The following PIAS1 variants were observed in gnomAD, a reference collection of about 807,000 sequenced individuals.
PIAS1 encodes E3 SUMO-protein ligase PIAS1.
Under a neutral mutation model 71.3 loss-of-function variants are expected in PIAS1, and 6 were observed. That is an observed-to-expected ratio of 0.08 (90% CI 0.05 to 0.17). The LOEUF is 0.17. Ranked by LOEUF, PIAS1 falls within the 10% of genes least tolerant of loss-of-function variation. The pLI is 1.00. For synonymous variants in PIAS1, 303 were observed against 292.9 expected, an observed-to-expected ratio of 1.03 and a Z score of -0.35; for missense variants, 555 against 793.6, an observed-to-expected ratio of 0.70 and a Z score of 3.61.
At chr15:68,073,679 A>G (rs1283376868) in intron 1 of PIAS1, among the ~76,000 whole-genome samples, 2 of 152,192 alleles carry the variant, frequency 1.3e-5, no homozygotes, top group Non-Finnish European at 2.9e-5. Flanking sequence ...AGAACAGCAT[A>G]TATAAAAGTC....
In PIAS1 at chr15:68,135,486, G is replaced by A. The variant is rs1461550035; in HGVS notation, c.470-6460G>A. 3.4e-3 allele frequency among the ~76,000 whole-genome samples: 2 copies of A among 592 alleles called. 1 individual carries two copies. Among genetic ancestry groups the A allele is most frequent in the African/African-American group, 5.0e-3 (2 of 402 alleles). 0.4% of individuals were successfully genotyped at this position (592 alleles called of 152,430 possible). Reference sequence around the variant, plus strand: ...ACCCCCCGGACGGGGCGGCTGGCCGGGGGGGGCTAACCCCCCCCACCTCCC... The same window carrying A: ...ACCCCCCGGACGGGGCGGCTGGCCGAGGGGGGCTAACCCCCCCCACCTCCC... On this transcript the variant is annotated intron_variant, in intron 2 of 13. Transcript: ENST00000249636.
chr15:68,115,742 A>G (rs1425948671), intron 2 of PIAS1, among the ~76,000 whole-genome samples: 1 of 152,092 alleles, frequency 6.6e-6, no homozygotes, highest in Admixed American at 6.6e-5. Flanking sequence ...AGTGTTTATT[A>G]GGAATGGTTG....
At chr15:68,149,751 T>C (rs2092832834) in intron 6 of PIAS1, among the ~76,000 whole-genome samples, 1 of 152,182 alleles carries the variant, frequency 6.6e-6, no homozygotes, top group Non-Finnish European at 1.5e-5. Context: ...TTAGATGATT[T>C]ATTGGTATTT....
At chr15:68,112,478 G>T (rs993005269) in intron 2 of PIAS1, among the ~76,000 whole-genome samples, 1 of 151,948 alleles carries the variant, frequency 6.6e-6, no homozygotes, top group African/African-American at 2.4e-5. Context: ...CAAAGAAACT[G>T]TTGTTATCTA....
chr15:68,162,016 C>T (rs918987391), intron 7 of PIAS1, among the ~76,000 whole-genome samples: 1 of 151,968 alleles, frequency 6.6e-6, no homozygotes, highest in Non-Finnish European at 1.5e-5. Context: ...TTTCAGCTCA[C>T]TGCAACCTCT....
At chr15:68,159,377 T>C (rs1235880830) in intron 7 of PIAS1, among the ~76,000 whole-genome samples, 6 of 152,172 alleles carry the variant, frequency 3.9e-5, no homozygotes, top group Admixed American at 6.6e-5. Context: ...GTATAACTTA[T>C]AGGCAATAAA....
rs1322969308 is a variant in PIAS1, at chr15:68,179,661, C to T, written c.1482-1551C>T. ...CACCATCTTGGCTCACCACACCCTC[C>T]GCCTCCTGGGTTCAAGTGATTCTCC... is the stretch of plus-strand genomic sequence containing the variant. On this transcript the variant is annotated intron_variant, in intron 11 of 13. Coordinates refer to ENST00000249636, the MANE Select transcript of PIAS1 (RefSeq NM_016166.3). 3.4e-5 allele frequency among the ~76,000 whole-genome samples: 5 copies of T among 146,860 alleles called. 1 individual carries two copies. The highest frequency in any genetic ancestry group is 2.1e-4 in the Admixed American group (3 of 14,426).
chr15:68,073,238 C>T (rs995089849), intron 1 of PIAS1, among the ~76,000 whole-genome samples: 5 of 152,012 alleles, frequency 3.3e-5, no homozygotes, highest in African/African-American at 1.2e-4. Context: ...AGGATGGTCT[C>T]GATCTCCTGA....
chr15:68,182,424 T>TTGTGTGTGTG lies in PIAS1; in HGVS notation c.1624+1070_1624+1071insTGTGTGTGTG, dbSNP rs1567080853. 2.7e-4 allele frequency among the ~76,000 whole-genome samples: 17 copies of TTGTGTGTGTG among 63,844 alleles called. 1 individual carries two copies. The East Asian group carries it at 5.7e-3, about 21-fold the overall frequency. 41.9% of individuals were successfully genotyped at this position (63,844 alleles called of 152,430 possible). ...AACCCCATTCCCGGGAAGTTACAGCTAGTGTGTGTGTGTGTGTGTGTGTGT... is the reference window on the plus strand; with the variant it reads ...AACCCCATTCCCGGGAAGTTACAGCTTGTGTGTGTGAGTGTGTGTGTGTGTGTGTGTGTGT... On this transcript the variant is annotated intron_variant, in intron 12 of 13. Transcript: ENST00000249636.
intron 2 of PIAS1, among the ~76,000 whole-genome samples, chr15:68,113,428 A>G (rs1022103532): frequency 1.5e-4 from 23 of 152,336 alleles, no homozygotes; most frequent in African/African-American, 5.0e-4. Flanking sequence ...ACATTCAAAC[A>G]TTGATCATTA....
Position 68,173,489 on chromosome 15 carries a change from A to G in PIAS1, c.1009-243A>G, listed in dbSNP as rs960370769. Among the ~76,000 whole-genome samples, 1 of 152,216 alleles carries G rather than the reference A, an allele frequency of 6.6e-6. No homozygotes were observed. Among genetic ancestry groups the G allele is most frequent in the Non-Finnish European group, 1.5e-5 (1 of 68,030 alleles). On this transcript the variant is annotated intron_variant, in intron 8 of 13. Coordinates refer to ENST00000249636, the MANE Select transcript of PIAS1 (RefSeq NM_016166.3). This position sits in a 1 kb window ranked among gnomAD's most constrained non-coding sequence, Gnocchi z 4.3. ...AGCTGATCTGTGAGCTGTGGATTTT[A>G]GTAAATAACCCTTGTTGTAGACTTT...
intron 2 of PIAS1, among the ~76,000 whole-genome samples, chr15:68,101,867 C>T (rs2092429909): frequency 6.6e-6 from 1 of 152,212 alleles, no homozygotes; most frequent in South Asian, 2.1e-4. Context: ...CCTCCTGCCT[C>T]AGCCTTCTGA....
At chr15:68,151,001 G>C (rs1262674092) in intron 6 of PIAS1, among the ~76,000 whole-genome samples, 1 of 152,004 alleles carries the variant, frequency 6.6e-6, no homozygotes, top group Non-Finnish European at 1.5e-5. Context: ...ATTATCTCAT[G>C]AACTTGACAA....
rs1349184123 is a variant in PIAS1 at position 68,189,975 on chromosome 15, T to A, written c.*2140T>A. 6.6e-6 allele frequency: 1 copy of A among 152,260 alleles called. No individual in the cohort carries two copies. The highest frequency in any genetic ancestry group is 1.5e-5 in the Non-Finnish European group (1 of 68,044). 9.4% of individuals were successfully genotyped at this position (152,260 alleles called of 1,614,324 possible). On this transcript the variant is annotated 3_prime_UTR_variant, in exon 14 of 14. Transcript: ENST00000249636. ...ACATTGCTTTAGGAAACATTTTTAC[T>A]AATTCAGCTGTCTTAGGTAAAATGA...
At chr15:68,162,709 G>A (rs956115252) in intron 7 of PIAS1, among the ~76,000 whole-genome samples, 20 of 152,118 alleles carry the variant, frequency 1.3e-4, no homozygotes, top group African/African-American at 4.8e-4. Context: ...TGATATGGTG[G>A]TACAAATCCC....
chr15:68,169,464 A>G (rs1318743165), intron 8 of PIAS1, among the ~76,000 whole-genome samples: 2 of 152,238 alleles, frequency 1.3e-5, no homozygotes, highest in Non-Finnish European at 2.9e-5. Flanking sequence ...ACTTGATGCC[A>G]GGAGTTTGAG....
At chr15:68,179,543 C>A (rs1218931280) in intron 11 of PIAS1, among the ~76,000 whole-genome samples, 2 of 127,642 alleles carry the variant, frequency 1.6e-5, no homozygotes, top group Non-Finnish European at 3.3e-5. Flanking sequence ...GAAATCCAAC[C>A]TTGTCATCTC....
rs551780548 is a variant in PIAS1, at chr15:68,054,650, A to G, written c.24+300A>G. On this transcript the variant is annotated intron_variant, in intron 1 of 13. Transcript: ENST00000249636. The surrounding 1 kb of genome is among the most constrained non-coding windows in gnomAD (Gnocchi z 4.6). ...CGGAGGTAGGGGCTGCAGCTGTCTC[A>G]TGGGCTCGGCTTTTTCACCTTCCAG... The G allele has an allele frequency of 1.1e-4, 32 of 301,630 alleles. 1 individual carries two copies. The South Asian group carries it at 3.0e-3, about 28-fold the overall frequency. The allele number at this position is 301,630 out of a possible 1,614,324, so 18.7% of individuals were successfully genotyped here.
intron 1 of PIAS1, among the ~76,000 whole-genome samples, chr15:68,080,083 C>T (rs1221279210): frequency 6.6e-6 from 1 of 152,184 alleles, no homozygotes; most frequent in Non-Finnish European, 1.5e-5. Flanking sequence ...CTGCCTGTCT[C>T]AGCCTCCTAA....
Sources: gnomAD v4.1 joint callset for allele counts (sites outside exome capture counted in the v4.1 genomes callset) on GRCh38, gnomAD v4.1.1 for gene constraint, Gnocchi (gnomAD v3.1) non-coding constraint, MANE v1.5 for transcripts, NCBI Gene and HGNC (gene_info 2026-07-23, HGNC 2026-07-21) for gene names.